The following JAZF1 variants were observed in gnomAD, a reference collection of about 807,000 sequenced individuals.
The protein encoded by JAZF1 is JAZF zinc finger 1.
Under a neutral mutation model 26.4 loss-of-function variants are expected in JAZF1, and 8 were observed. The observed-to-expected ratio is 0.30, with a 90% CI of 0.18 to 0.55. The LOEUF (loss-of-function observed/expected upper bound fraction) is 0.55, where lower values mean the gene tolerates loss of function less well. JAZF1 is among the 20% of genes least tolerant of loss of function. The pLI, the probability that JAZF1 is intolerant of heterozygous loss-of-function variation, is 0.94. For missense variants in JAZF1, 199 were observed against 322.0 expected, an observed-to-expected ratio of 0.62 and a Z score of 2.92; for synonymous variants, 126 against 122.3, an observed-to-expected ratio of 1.03 and a Z score of -0.20.
At chr7:28,068,553 T>A (rs948835908) in intron 1 of JAZF1, among the ~76,000 whole-genome samples, 12 of 152,160 alleles carry the variant, frequency 7.9e-5, no homozygotes, top group Admixed American at 7.2e-4. Flanking sequence ...GATTTGACTC[T>A]ACTGACAAAT....
intron 1 of JAZF1, among the ~76,000 whole-genome samples, chr7:28,019,341 A>G (rs987373812): frequency 6.6e-6 from 1 of 152,192 alleles, no homozygotes; most frequent in Non-Finnish European, 1.5e-5. Flanking sequence ...TGTCTGGGGG[A>G]CAAAGGCACG....
chr7:28,018,056 T>C (rs932068868), intron 1 of JAZF1, among the ~76,000 whole-genome samples: 2 of 152,116 alleles, frequency 1.3e-5, no homozygotes, highest in South Asian at 2.1e-4. Flanking sequence ...ATTACCTCTA[T>C]GAAGGAAACG....
chr7:27,899,883 G>A (rs1416907478), intron 2 of JAZF1, among the ~76,000 whole-genome samples: 1 of 152,186 alleles, frequency 6.6e-6, no homozygotes, highest in South Asian at 2.1e-4. Context: ...CAAGCCTGGG[G>A]ATGCTGTCAT....
chr7:28,069,654 T>A (rs994737179), intron 1 of JAZF1, among the ~76,000 whole-genome samples: 1 of 152,062 alleles, frequency 6.6e-6, no homozygotes, highest in Non-Finnish European at 1.5e-5. Context: ...GGAACATACA[T>A]AATGACCTAA....
At chr7:28,158,408 C>T (rs947737682) in intron 1 of JAZF1, among the ~76,000 whole-genome samples, 8 of 152,098 alleles carry the variant, frequency 5.3e-5, no homozygotes, top group African/African-American at 1.2e-4. Context: ...GGAGTGCTAA[C>T]GAAAGGGGAA....
chr7:27,967,682 G>A (rs569774331), intron 2 of JAZF1, among the ~76,000 whole-genome samples: 3 of 152,196 alleles, frequency 2.0e-5, no homozygotes, highest in African/African-American at 4.8e-5. Context: ...ATAAATTCCT[G>A]GTGCTATTTC....
At chr7:27,919,104 A>G (rs1426909110) in intron 2 of JAZF1, among the ~76,000 whole-genome samples, 2 of 152,230 alleles carry the variant, frequency 1.3e-5, no homozygotes, top group East Asian at 3.9e-4. Context: ...ACTGAAACAC[A>G]GGTCCTAGTA....
At chr7:27,963,221 T>C (rs967911066) in intron 2 of JAZF1, among the ~76,000 whole-genome samples, 3 of 152,238 alleles carry the variant, frequency 2.0e-5, no homozygotes, top group African/African-American at 7.2e-5. Flanking sequence ...CATTTTCTAT[T>C]TAAGTCAAGG....
intron 3 of JAZF1, among the ~76,000 whole-genome samples, chr7:27,874,379 C>T (rs1232550047): frequency 6.6e-6 from 1 of 152,148 alleles, no homozygotes; most frequent in Non-Finnish European, 1.5e-5. Flanking sequence ...CACACCTCTG[C>T]CCTCCTTTGC....
chr7:28,133,113 C>T (rs702814), intron 1 of JAZF1, among the ~76,000 whole-genome samples: 55,282 of 152,124 alleles, frequency 0.36, 12,393 homozygotes, highest in Non-Finnish European at 0.5. Flanking sequence ...CTTTATTTTA[C>T]CATCTTTTTC....
At chr7:28,126,554 G>A (rs759049666) in intron 1 of JAZF1, among the ~76,000 whole-genome samples, 2 of 152,126 alleles carry the variant, frequency 1.3e-5, no homozygotes, top group Non-Finnish European at 2.9e-5. Flanking sequence ...AGGCAGGAAT[G>A]ACCTTGGAAC....
intron 1 of JAZF1, among the ~76,000 whole-genome samples, chr7:28,019,846 T>G (rs1227301574): frequency 6.6e-6 from 1 of 151,996 alleles, no homozygotes; most frequent in African/African-American, 2.4e-5. Flanking sequence ...CAGACCGGAC[T>G]CCAAATCCAG....
chr7:27,918,761 C>T (rs1285183184), intron 2 of JAZF1, among the ~76,000 whole-genome samples: 1 of 152,004 alleles, frequency 6.6e-6, no homozygotes, highest in African/African-American at 2.4e-5. Flanking sequence ...TCTGACTATA[C>T]ATGTCCTGTT....
chr7:27,894,060 T>C (rs1784018142), intron 3 of JAZF1, among the ~76,000 whole-genome samples: 1 of 152,226 alleles, frequency 6.6e-6, no homozygotes, highest in African/African-American at 2.4e-5. Flanking sequence ...TGACTGCTAT[T>C]TTACTTTTTA....
chr7:27,838,429 G>A (rs928692411), intron 4 of JAZF1, among the ~76,000 whole-genome samples: 11 of 152,092 alleles, frequency 7.2e-5, no homozygotes, highest in African/African-American at 1.9e-4. Flanking sequence ...TGTCTGATCC[G>A]TAAATGCCAA....
chr7:28,092,728 C>T (rs1700835958), intron 1 of JAZF1, among the ~76,000 whole-genome samples: 1 of 151,760 alleles, frequency 6.6e-6, no homozygotes, highest in Non-Finnish European at 1.5e-5. Context: ...AGTGTAGTGA[C>T]TTGTGCCTGC....
At chr7:28,009,083 G>C (rs1451304156) in intron 1 of JAZF1, among the ~76,000 whole-genome samples, 1 of 152,132 alleles carries the variant, frequency 6.6e-6, no homozygotes, top group African/African-American at 2.4e-5. Flanking sequence ...CTTACTATCA[G>C]CTGAGTTTCC....
intron 4 of JAZF1, among the ~76,000 whole-genome samples, chr7:27,836,875 AAC>A (rs1782822694): frequency 6.6e-6 from 1 of 152,206 alleles, no homozygotes; most frequent in Non-Finnish European, 1.5e-5. Flanking sequence ...AAATTCAGAA[AAC>A]ACAGAAGAGG....
chr7:27,846,967 G>GT (rs34967191), intron 3 of JAZF1, among the ~76,000 whole-genome samples: 46,373 of 151,690 alleles, frequency 0.31, 7,482 homozygotes, highest in Middle Eastern at 0.34. Flanking sequence ...AGCCTTATCT[G>GT]TTTTTATTTT....
Sources: gnomAD v4.1 joint callset for allele counts (sites outside exome capture counted in the v4.1 genomes callset) on GRCh38, gnomAD v4.1.1 for gene constraint, MANE v1.5 for transcripts, NCBI Gene and HGNC (gene_info 2026-07-23, HGNC 2026-07-21) for gene names.